CSNK1G3: variants seen among roughly 807,000 people sequenced by gnomAD.
CSNK1G3 encodes casein kinase 1 gamma 3.
A neutral mutation model predicts 64.3 loss-of-function variants in CSNK1G3; 23 were observed. The observed-to-expected ratio is 0.36, with a 90% CI of 0.26 to 0.51. The LOEUF (loss-of-function observed/expected upper bound fraction) is 0.51. CSNK1G3 is among the 20% of genes least tolerant of loss of function. The pLI is 0.96. For synonymous variants in CSNK1G3, 158 were observed against 162.2 expected (o/e 0.97, Z 0.20); for missense variants, 357 against 510.5 (o/e 0.70, Z 2.90).
At chr5:123,584,819 A>G (rs748765884) in intron 6 of CSNK1G3, among the ~76,000 whole-genome samples, 2 of 152,104 alleles carry the variant, frequency 1.3e-5, no homozygotes, top group Admixed American at 1.3e-4. Context: ...AGCTTTCAAG[A>G]TATTTGTCCA....
intron 1 of CSNK1G3, among the ~76,000 whole-genome samples, chr5:123,531,841 A>G (rs1427458549): frequency 6.6e-6 from 1 of 151,980 alleles, no homozygotes; most frequent in East Asian, 1.9e-4. Context: ...ATAAAAATGT[A>G]GAGCAGTACA....
intron 1 of CSNK1G3, among the ~76,000 whole-genome samples, chr5:123,520,610 C>A (rs1022623759): frequency 1.3e-5 from 2 of 151,530 alleles, no homozygotes; most frequent in Admixed American, 6.6e-5. Flanking sequence ...TGATACTTTG[C>A]AGATTTCTTT....
chr5:123,595,197 G>A lies in CSNK1G3; in HGVS notation c.1086+3783G>A, dbSNP rs530911724. On this transcript the variant is annotated intron_variant, in intron 10 of 12. Coordinates refer to ENST00000345990, the Ensembl canonical transcript of CSNK1G3. The stretch of plus-strand genomic sequence containing the variant: ...ATTTATACAACTAACCCTTTTTTTT[G>A]GAACTCATGGCATGATTTCATATCT... 4.3e-6 allele frequency: 6 copies of A among 1,380,814 alleles called. No individual in the cohort carries two copies. The South Asian group carries it at 7.3e-5, about 17-fold the overall frequency. The allele number at this position is 1,380,814 out of a possible 1,614,324, so 85.5% of individuals were successfully genotyped here. A position where few individuals can be genotyped will look rare whatever the true frequency, so the allele number is the denominator to read the frequency against.
intron 1 of CSNK1G3, among the ~76,000 whole-genome samples, chr5:123,542,268 A>G (rs1781794950): frequency 6.6e-6 from 1 of 152,182 alleles, no homozygotes; most frequent in African/African-American, 2.4e-5. Context: ...AATTTTCAAG[A>G]AGGAATCTTA....
In CSNK1G3 at chr5:123,599,321, C is replaced by T. The variant is rs377335482; in HGVS notation, c.1087-5403C>T. On this transcript the variant is annotated intron_variant, in intron 10 of 12. Coordinates refer to ENST00000345990, the Ensembl canonical transcript of CSNK1G3. ...TTTGAATCTAATGAATAATGTGACT[C>T]TGAGCACTTGGGAGAAAAAGGGGCA... Among the ~76,000 whole-genome samples, 16 of 152,278 alleles carry T rather than the reference C, an allele frequency of 1.1e-4. No homozygotes were observed. In the East Asian group the frequency reaches 3.1e-3, roughly 29 times the overall value.
intron 10 of CSNK1G3, among the ~76,000 whole-genome samples, chr5:123,600,917 T>A (rs1269742947): frequency 1.1e-4 from 16 of 151,120 alleles, no homozygotes; most frequent in African/African-American, 3.4e-4. Context: ...TTTTTTTTTT[T>A]ATCTTCTTAA....
chr5:123,610,328 C>T (rs993379792), intron 12 of CSNK1G3, among the ~76,000 whole-genome samples: 2 of 152,138 alleles, frequency 1.3e-5, no homozygotes, highest in Non-Finnish European at 2.9e-5. Context: ...ACTTTCTGTA[C>T]ACTCATCAAC....
rs145574535 is a variant in CSNK1G3 at position 123,561,479 on chromosome 5, A to G, written c.289+3915A>G. ...TAGCTTAAACAAGTAAAGGGATGTAATGTGAGACAAGTGAGTTCAGAGGTG... is the reference window on the plus strand; with the variant it reads ...TAGCTTAAACAAGTAAAGGGATGTAGTGTGAGACAAGTGAGTTCAGAGGTG... On this transcript the variant is annotated intron_variant, in intron 4 of 12. Coordinates refer to ENST00000345990, the Ensembl canonical transcript of CSNK1G3. 5.8e-3 allele frequency among the ~76,000 whole-genome samples: 888 copies of G among 152,314 alleles called. 9 individuals are homozygous for G. Among genetic ancestry groups the G allele is most frequent in the African/African-American group, 0.021 (854 of 41,582 alleles).
rs139146294 is a variant in CSNK1G3, at chr5:123,565,619, G to A, written c.290-7774G>A. 3.8e-3 allele frequency among the ~76,000 whole-genome samples: 583 copies of A among 152,236 alleles called. 4 individuals are homozygous for A. Among genetic ancestry groups the A allele is most frequent in the African/African-American group, 0.013 (536 of 41,536 alleles). On this transcript the variant is annotated intron_variant, in intron 4 of 12. Coordinates refer to ENST00000345990, the Ensembl canonical transcript of CSNK1G3. ...CTTGTGTTGCTATAAAGAAATGCTGGAGTCTGGGTAATTTATAAGAAAAGA... is the reference window on the plus strand; with the variant it reads ...CTTGTGTTGCTATAAAGAAATGCTGAAGTCTGGGTAATTTATAAGAAAAGA...
chr5:123,561,261 G>T (rs761439418), intron 4 of CSNK1G3, among the ~76,000 whole-genome samples: 2 of 152,066 alleles, frequency 1.3e-5, no homozygotes, highest in Non-Finnish European at 2.9e-5. Flanking sequence ...CTCAGTATTC[G>T]TTGAGTCAAA....
intron 4 of CSNK1G3, among the ~76,000 whole-genome samples, chr5:123,563,546 C>T (rs781314632): frequency 9.2e-5 from 14 of 151,898 alleles, no homozygotes; most frequent in African/African-American, 1.4e-4. Context: ...GATTTAGTTC[C>T]GTCTGCTGGT....
intron 6 of CSNK1G3, among the ~76,000 whole-genome samples, chr5:123,579,289 CT>C (rs1163881985): frequency 2.2e-5 from 1 of 44,680 alleles, no homozygotes; most frequent in Non-Finnish European, 4.0e-5. Flanking sequence ...TGTAAATTTG[CT>C]GTTTTTTTTT....
chr5:123,515,402 A>G (rs532821048), intron 1 of CSNK1G3, among the ~76,000 whole-genome samples: 9 of 152,364 alleles, frequency 5.9e-5, no homozygotes, highest in African/African-American at 2.2e-4. Context: ...ATTATTGTTA[A>G]TAGTGAGATT....
chr5:123,567,098 G>A (rs559412305), intron 4 of CSNK1G3, among the ~76,000 whole-genome samples: 1 of 152,182 alleles, frequency 6.6e-6, no homozygotes, highest in South Asian at 2.1e-4. Context: ...GCAGACAAGA[G>A]CTTGTGCAGG....
chr5:123,559,688 G>A (rs1440374412), intron 4 of CSNK1G3, among the ~76,000 whole-genome samples: 1 of 145,850 alleles, frequency 6.9e-6, no homozygotes, highest in African/African-American at 2.6e-5. Flanking sequence ...ATGAATTTGG[G>A]CATATTTTTT....
intron 10 of CSNK1G3, among the ~76,000 whole-genome samples, chr5:123,600,739 A>C (rs553559864): frequency 6.6e-6 from 1 of 152,270 alleles, no homozygotes; most frequent in South Asian, 2.1e-4. Flanking sequence ...GACAATAAAA[A>C]TACTATATGT....
Position 123,603,438 on chromosome 5 carries a change from G to A in CSNK1G3, c.1087-1286G>A, listed in dbSNP as rs569779523. Among the ~76,000 whole-genome samples the A allele has an allele frequency of 3.9e-5, 6 of 152,098 alleles. No homozygotes were observed. The East Asian group carries it at 1.2e-3, about 29-fold the overall frequency. ...ATTTATTTCAACGTATATTTATTGA[G>A]TTCCTATTCTCTGCGAGACATAGCA... On this transcript the variant is annotated intron_variant, in intron 10 of 12. Transcript: ENST00000345990.
intron 6 of CSNK1G3, among the ~76,000 whole-genome samples, chr5:123,581,360 G>GTTTTTTTTT (rs10612602): frequency 1.2e-5 from 1 of 81,602 alleles, no homozygotes; most frequent in Non-Finnish European, 2.3e-5. Flanking sequence ...TTTTGGGTTT[G>GTTTTTTTTT]TTTTTTTTTT....
At chr5:123,545,689 A>G (rs1309076419) in exon 2 of CSNK1G3, 2 of 1,613,078 alleles carry the variant, frequency 1.2e-6, no homozygotes, top group Non-Finnish European at 1.7e-6. Flanking sequence ...AAAGACAAGG[A>G]CAAATCAGAT....
Sources: allele counts gnomAD v4.1 joint callset (sites outside exome capture counted in the v4.1 genomes callset), GRCh38; gene constraint gnomAD v4.1.1; transcripts MANE v1.5; gene names NCBI Gene and HGNC (gene_info 2026-07-23, HGNC 2026-07-21).